The following EIF4E3 variants were observed in gnomAD, a reference collection of about 807,000 sequenced individuals.
The protein encoded by EIF4E3 is eukaryotic translation initiation factor 4E type 3.
EIF4E3 carries 26 observed loss-of-function variants against 31.7 expected under a neutral mutation model. That is an observed-to-expected ratio of 0.82 (90% CI 0.60 to 1.14). EIF4E3 has a LOEUF of 1.14. Among genes scored for constraint, EIF4E3 ranks in the 50% most tolerant of loss-of-function variants. The probability of loss-of-function intolerance (pLI) is 0.00; values close to 1 mark genes in which losing one functional copy is unlikely to be tolerated. For synonymous variants in EIF4E3, 128 were observed against 107.7 expected, an observed-to-expected ratio of 1.19 and a Z score of -1.17; for missense variants, 304 against 270.9, an observed-to-expected ratio of 1.12 and a Z score of -0.86.
downstream of EIF4E3, among the ~76,000 whole-genome samples, chr3:71,672,568 G>C (rs2048852904): frequency 6.6e-6 from 1 of 152,120 alleles, no homozygotes; most frequent in Non-Finnish European, 1.5e-5. Context: ...TCAGGCCTTG[G>C]GGAGTTGTAG....
At chr3:71,675,168 T>C (rs2048866458), downstream of EIF4E3, among the ~76,000 whole-genome samples, 1 of 152,192 alleles carries the variant, frequency 6.6e-6, no homozygotes, top group African/African-American at 2.4e-5. Context: ...TAGAAGCATT[T>C]GCAAACACAA....
At chr3:71,671,381 C>T (rs2048847158), downstream of EIF4E3, among the ~76,000 whole-genome samples, 1 of 151,816 alleles carries the variant, frequency 6.6e-6, no homozygotes. Flanking sequence ...GCACCCGTGT[C>T]GGAGAAGAGT....
intron 6 of EIF4E3, among the ~76,000 whole-genome samples, chr3:71,687,770 T>C (rs1020662748): frequency 2.0e-5 from 3 of 152,212 alleles, no homozygotes; most frequent in African/African-American, 4.8e-5. Flanking sequence ...CTGAATATGC[T>C]TGGGTTCTTT....
At chr3:71,711,628 A>T (rs780952277) in intron 1 of EIF4E3, among the ~76,000 whole-genome samples, 1 of 152,214 alleles carries the variant, frequency 6.6e-6, no homozygotes, top group Non-Finnish European at 1.5e-5. Flanking sequence ...CAAGGACTAC[A>T]GTCCTTGAAC....
chr3:71,702,709 A>T (rs1379221541), intron 2 of EIF4E3, among the ~76,000 whole-genome samples: 2 of 142,350 alleles, frequency 1.4e-5, no homozygotes, highest in African/African-American at 2.7e-5. Flanking sequence ...CGGTCACACC[A>T]TTAAAAAAAA....
intron 1 of EIF4E3, among the ~76,000 whole-genome samples, chr3:71,731,750 T>C (rs1341297337): frequency 6.6e-6 from 1 of 152,244 alleles, no homozygotes; most frequent in African/African-American, 2.4e-5. Flanking sequence ...AAAGCACTTT[T>C]GTCCTATTAC....
chr3:71,661,784 T>C, the EIF4E3 span, among the ~76,000 whole-genome samples: 7 of 152,324 alleles, frequency 4.6e-5, no homozygotes, highest in South Asian at 1.5e-3. Context: ...TTAACCACTC[T>C]GAGCCTCTGT....
chr3:71,661,453 C>T, the EIF4E3 span, among the ~76,000 whole-genome samples: 1 of 152,152 alleles, frequency 6.6e-6, no homozygotes, highest in African/African-American at 2.4e-5. Context: ...TTGCTGTCAC[C>T]TCTCAGGAAG....
At chr3:71,688,727 G>C (rs996432050) in intron 6 of EIF4E3, among the ~76,000 whole-genome samples, 2 of 152,196 alleles carry the variant, frequency 1.3e-5, no homozygotes, top group Non-Finnish European at 2.9e-5. Flanking sequence ...AATATCTGGG[G>C]TGAAAATACA....
At chr3:71,695,361 G>C (rs2049121971) in intron 4 of EIF4E3, among the ~76,000 whole-genome samples, 1 of 152,226 alleles carries the variant, frequency 6.6e-6, no homozygotes, top group African/African-American at 2.4e-5. Context: ...ACGCAGCCAA[G>C]TGAGCTAACA....
At chr3:71,710,525 G>T (rs747989057) in intron 1 of EIF4E3, 41 bp from the exon 2 acceptor site, 2 of 1,545,196 alleles carry the variant, frequency 1.3e-6, no homozygotes, top group South Asian at 2.4e-5. Flanking sequence ...AACAAAACAA[G>T]CAGTCAGTGC....
intron 1 of EIF4E3, among the ~76,000 whole-genome samples, chr3:71,712,625 T>C (rs549692025): frequency 3.0e-5 from 1 of 33,300 alleles, no homozygotes; most frequent in African/African-American, 1.9e-4. Context: ...TGTGTGTGTG[T>C]TGCGGGGGGT....
upstream of EIF4E3, chr3:71,754,053 G>A: frequency 7.9e-7 from 1 of 1,264,386 alleles, no homozygotes; most frequent in Admixed American, 3.6e-5. The surrounding 1 kb of genome is among the most constrained non-coding windows in gnomAD (Gnocchi z 5.8). Context: ...GGCCGCGATG[G>A]CGAACGCGAG....
At chr3:71,736,059 T>G (rs2049759685) in intron 1 of EIF4E3, among the ~76,000 whole-genome samples, 1 of 152,180 alleles carries the variant, frequency 6.6e-6, no homozygotes, top group Non-Finnish European at 1.5e-5. Context: ...AAAAGATGCT[T>G]AATATCATAT....
chr3:71,752,798 A>C (rs1381443535), intron 1 of EIF4E3, among the ~76,000 whole-genome samples: 1 of 152,214 alleles, frequency 6.6e-6, no homozygotes, highest in Non-Finnish European at 1.5e-5. Context: ...GGTTAGAAGG[A>C]GGCCCTACGG....
At chr3:71,734,275 A>G (rs569669826) in intron 1 of EIF4E3, among the ~76,000 whole-genome samples, 1 of 152,352 alleles carries the variant, frequency 6.6e-6, no homozygotes, top group East Asian at 1.9e-4. Flanking sequence ...TATCCCTCAG[A>G]TGACTTTATA....
chr3:71,660,587 T>C, the EIF4E3 span, among the ~76,000 whole-genome samples: 2 of 152,168 alleles, frequency 1.3e-5, no homozygotes, highest in East Asian at 3.8e-4. Flanking sequence ...TAAATAGCTC[T>C]GTGGCATCAA....
downstream of EIF4E3, among the ~76,000 whole-genome samples, chr3:71,671,722 A>G: frequency 6.6e-6 from 1 of 152,038 alleles, no homozygotes; most frequent in East Asian, 1.9e-4. Flanking sequence ...CGGTATATAG[A>G]TTTGTGCATG....
intron 4 of EIF4E3, 45 bp from the exon 5 acceptor site, chr3:71,693,986 TA>T (rs755126240): frequency 3.3e-6 from 5 of 1,497,962 alleles, no homozygotes; most frequent in South Asian, 1.3e-5. Flanking sequence ...AAAATACAGA[TA>T]TTTTTAGACA....
Sources: gnomAD v4.1 joint callset for allele counts (sites outside exome capture counted in the v4.1 genomes callset) on GRCh38, gnomAD v4.1.1 for gene constraint, Gnocchi (gnomAD v3.1) non-coding constraint, MANE v1.5 for transcripts, NCBI Gene and HGNC (gene_info 2026-07-23, HGNC 2026-07-21) for gene names.